The following SPOCK3 variants were observed in gnomAD, a reference collection of about 807,000 sequenced individuals.
SPOCK3 encodes testican-3.
In SPOCK3, 30 loss-of-function variants were observed where a neutral mutation model predicts 56.6. The ratio of observed to expected loss-of-function variants is 0.53; its 90% CI spans 0.40 to 0.72. The LOEUF (loss-of-function observed/expected upper bound fraction) is 0.72. Among genes scored for constraint, SPOCK3 ranks in the 30% least tolerant of loss-of-function variants. SPOCK3 has a pLI of 0.00. For synonymous variants in SPOCK3, 196 were observed against 183.3 expected (o/e 1.07, Z -0.56); for missense variants, 527 against 530.0 (o/e 0.99, Z 0.06).
intron 4 of SPOCK3, among the ~76,000 whole-genome samples, chr4:166,957,934 G>C (rs1448834726): frequency 6.6e-6 from 1 of 152,264 alleles, no homozygotes; most frequent in East Asian, 1.9e-4. Context: ...TGCTGGAACA[G>C]GTGAAGAATT....
At chr4:167,216,214 C>A (rs892977437) in intron 2 of SPOCK3, among the ~76,000 whole-genome samples, 5 of 151,846 alleles carry the variant, frequency 3.3e-5, no homozygotes, top group African/African-American at 1.2e-4. Flanking sequence ...ATGAACTGAT[C>A]CATTATGTGG....
At chr4:167,080,656 G>A (rs1757618850) in intron 2 of SPOCK3, among the ~76,000 whole-genome samples, 1 of 151,962 alleles carries the variant, frequency 6.6e-6, no homozygotes, top group East Asian at 2.0e-4. Flanking sequence ...AATGACAAAA[G>A]CAACAGAGGC....
intron 4 of SPOCK3, among the ~76,000 whole-genome samples, chr4:166,928,794 C>T (rs10461313): frequency 0.043 from 6,484 of 152,040 alleles, 553 homozygotes; most frequent in East Asian, 0.39. Context: ...ATGGTGAAGC[C>T]CCATCTTTAC....
Position 166,763,564 on chromosome 4 carries a change from G to A in SPOCK3, c.710-8835C>T, listed in dbSNP as rs530765109. ...TAAGCACTTTAAAAGCTAATGAATT[G>A]TTTAGAGCAAAAACCATAACAAAGT... On this transcript the variant is annotated intron_variant, in intron 7 of 10. Transcript: ENST00000357545. Among the ~76,000 whole-genome samples the A allele has an allele frequency of 6.9e-4, 105 of 152,162 alleles. 1 individual carries two copies. Among genetic ancestry groups the A allele is most frequent in the African/African-American group, 2.5e-3 (103 of 41,538 alleles).
chr4:167,222,666 CATAG>C (rs1417830868), intron 2 of SPOCK3, among the ~76,000 whole-genome samples: 75 of 129,144 alleles, frequency 5.8e-4, no homozygotes, highest in African/African-American at 1.5e-3. Flanking sequence ...AATATATAAA[CATAG>C]ATATATATTT....
chr4:166,963,460 A>T (rs28676550), intron 4 of SPOCK3, among the ~76,000 whole-genome samples: 1,694 of 152,000 alleles, frequency 0.011, 34 homozygotes, highest in African/African-American at 0.039. Context: ...TTGAATCATC[A>T]TTGTTGATAA....
chr4:166,785,139 T>C lies in SPOCK3; in HGVS notation c.709+7031A>G, dbSNP rs569864182. On this transcript the variant is annotated intron_variant, in intron 7 of 10. Coordinates refer to ENST00000357545, the MANE Select transcript of SPOCK3 (RefSeq NM_001040159.2). The stretch of plus-strand genomic sequence containing the variant: ...GATAATAGGATGAGAGGCTAAATAG[T>C]TGCATTTCCTTCAACTTCTTATCGT... Among the ~76,000 whole-genome samples, 4 of 152,242 alleles carry C rather than the reference T, an allele frequency of 2.6e-5. No homozygotes were observed. In the East Asian group the frequency reaches 7.7e-4, roughly 29 times the overall value.
At chr4:167,028,632 T>C (rs1346316236) in intron 3 of SPOCK3, among the ~76,000 whole-genome samples, 2 of 151,978 alleles carry the variant, frequency 1.3e-5, no homozygotes, top group Non-Finnish European at 2.9e-5. Context: ...CTCAAAAGTA[T>C]TCCACTTGGA....
chr4:166,943,799 A>C (rs1489761376), intron 4 of SPOCK3, among the ~76,000 whole-genome samples: 1 of 152,192 alleles, frequency 6.6e-6, no homozygotes, highest in African/African-American at 2.4e-5. Context: ...CCACATGTAT[A>C]CATACTTTAA....
At chr4:166,800,635 G>T (rs547728372) in intron 6 of SPOCK3, among the ~76,000 whole-genome samples, 8 of 152,038 alleles carry the variant, frequency 5.3e-5, no homozygotes, top group Non-Finnish European at 8.8e-5. Context: ...ATAGTACAAA[G>T]ATATAACAAA....
At chr4:167,087,013 T>C (rs1261514380) in intron 2 of SPOCK3, among the ~76,000 whole-genome samples, 1 of 152,134 alleles carries the variant, frequency 6.6e-6, no homozygotes, top group Non-Finnish European at 1.5e-5. Context: ...TAGCAGACTA[T>C]AGTACTTGGC....
rs146348813 is a variant in SPOCK3 at position 166,895,618 on chromosome 4, T to A, written c.475-6374A>T. On this transcript the variant is annotated intron_variant, in intron 5 of 10. Transcript: ENST00000357545. The stretch of plus-strand genomic sequence containing the variant: ...TCAATGTCTATGTGGTTTACATAAC[T>A]AAATTGTTACATTAACTGCTTTAAA... Among the ~76,000 whole-genome samples the A allele has an allele frequency of 7.4e-3, 1,122 of 152,320 alleles. 10 individuals carry two copies. Among genetic ancestry groups the A allele is most frequent in the African/African-American group, 0.026 (1,065 of 41,586 alleles).
At chr4:167,200,284 A>G (rs1264551603) in intron 2 of SPOCK3, among the ~76,000 whole-genome samples, 3 of 152,102 alleles carry the variant, frequency 2.0e-5, no homozygotes, top group Non-Finnish European at 4.4e-5. Flanking sequence ...AACAGCATCT[A>G]CTGTTAAACA....
chr4:166,966,705 C>A lies in SPOCK3; in HGVS notation c.350+33644G>T, dbSNP rs188282136. Among the ~76,000 whole-genome samples the A allele has an allele frequency of 8.4e-4, 128 of 152,234 alleles. 1 individual carries two copies. Among genetic ancestry groups the A allele is most frequent in the Middle Eastern group, 3.4e-3 (1 of 294 alleles). On this transcript the variant is annotated intron_variant, in intron 4 of 10. Transcript: ENST00000357545. ...AAGTTTATTCACTGTGTTTTGGTAA[C>A]ATCGCTGCAAATTTTAACATAGTGG... is the stretch of plus-strand genomic sequence containing the variant.
At chr4:166,770,876 A>G (rs1387310105) in intron 7 of SPOCK3, among the ~76,000 whole-genome samples, 4 of 152,060 alleles carry the variant, frequency 2.6e-5, no homozygotes, top group African/African-American at 9.6e-5. Flanking sequence ...GACAAATTAG[A>G]CACCAGAAAT....
chr4:167,040,024 T>C (rs1753111437), intron 3 of SPOCK3, among the ~76,000 whole-genome samples: 2 of 152,198 alleles, frequency 1.3e-5, no homozygotes, highest in South Asian at 4.1e-4. Flanking sequence ...AACGACTAAG[T>C]TGTAAAGCCC....
At chr4:167,092,536 TTTAGGTAACTCTACATTCTTCGTAGAAA>T (rs1367650846) in intron 2 of SPOCK3, among the ~76,000 whole-genome samples, 2 of 152,204 alleles carry the variant, frequency 1.3e-5, no homozygotes, top group Non-Finnish European at 2.9e-5. Context: ...CTTCCTTTTA[TTTAGGTAACTCTACATTCTTCGTAGAAA>T]TTGAGAACAA....
intron 4 of SPOCK3, among the ~76,000 whole-genome samples, chr4:166,913,738 T>G (rs962032642): frequency 6.6e-6 from 1 of 152,156 alleles, no homozygotes; most frequent in South Asian, 2.1e-4. Flanking sequence ...TTTCAAATTT[T>G]GCCAGAGTTT....
intron 2 of SPOCK3, among the ~76,000 whole-genome samples, chr4:167,085,462 T>C (rs866509958): frequency 6.6e-6 from 1 of 152,148 alleles, no homozygotes; most frequent in African/African-American, 2.4e-5. Flanking sequence ...TAAGAGGTCA[T>C]GAATTTGGTG....
Sources: allele counts gnomAD v4.1 joint callset (sites outside exome capture counted in the v4.1 genomes callset), GRCh38; gene constraint gnomAD v4.1.1; transcripts MANE v1.5; gene names NCBI Gene and HGNC (gene_info 2026-07-23, HGNC 2026-07-21).